The following FAM186A variants were observed in gnomAD, a reference collection of about 807,000 sequenced individuals.
FAM186A encodes protein FAM186A.
In FAM186A, 163 loss-of-function variants were observed where a neutral mutation model predicts 216.8. The observed-to-expected ratio is 0.75, with a 90% CI of 0.66 to 0.86. The LOEUF (loss-of-function observed/expected upper bound fraction) is 0.86. Ranked by LOEUF, FAM186A falls within the 40% of genes least tolerant of loss-of-function variation. The pLI is 0.00. For missense variants in FAM186A, 2,184 were observed against 2,746.2 expected (o/e 0.80, Z 4.58); for synonymous variants, 805 against 1,025.3 (o/e 0.79, Z 4.10).
In FAM186A at chr12:50,356,053, T is replaced by C. The variant is rs1326676652; in HGVS notation, c.779A>G (p.Tyr260Cys). ...FSTLENNAIKYISSTIVNLST... is the reference protein window; with the variant it reads ...FSTLENNAIKCISSTIVNLST... ...AAGGTTTACTATTGTTGATGATATATATTTAATAGCATTGTTTTCCAATGT... is the reference window on the plus strand; with the variant it reads ...AAGGTTTACTATTGTTGATGATATACATTTAATAGCATTGTTTTCCAATGT... Residue 260 changes from tyrosine to cysteine, a missense_variant, in exon 4 of 8, where the codon TAT becomes TGT. Around this residue, in one of 7 missense-constraint regions of FAM186A, gnomAD observed 1,132 missense variants for 1,263.4 expected, o/e 0.90. Coordinates refer to ENST00000327337, the MANE Select transcript of FAM186A (RefSeq NM_001145475.3). 6.4e-7 allele frequency: 1 copy of C among 1,551,648 alleles called. No individual in the cohort carries two copies. The highest frequency in any genetic ancestry group is 8.7e-7 in the Non-Finnish European group (1 of 1,146,942).
In FAM186A at chr12:50,363,116, TTTCCTCTGAACCGCTTCTGTAA is replaced by T. The variant is rs757573297; in HGVS notation, c.412+7_412+28del. The stretch of plus-strand genomic sequence containing the variant: ...TTCTCTTTTTCATTAACTTTATGGT[TTTCCTCTGAACCGCTTCTGTAA>T]ACTTACTCCATTCTTCCAACCAGGC... On this transcript the variant is annotated splice_region_variant and intron_variant, in intron 2 of 7. Coordinates refer to ENST00000327337, the MANE Select transcript of FAM186A (RefSeq NM_001145475.3). 6.7e-7 allele frequency: 1 copy of T among 1,492,482 alleles called. No homozygotes were observed. The highest frequency in any genetic ancestry group is 1.3e-5 in the South Asian group (1 of 77,136). The allele number at this position is 1,492,482 out of a possible 1,614,324, so 92.5% of individuals were successfully genotyped here.
chr12:50,374,592 A>T (rs1943180097), intron 1 of FAM186A, among the ~76,000 whole-genome samples: 3 of 152,212 alleles, frequency 2.0e-5, no homozygotes, highest in African/African-American at 7.2e-5. Context: ...AAAATTCAAC[A>T]TTCATTCATG....
chr12:50,368,520 C>A (rs1451453101), intron 1 of FAM186A, among the ~76,000 whole-genome samples: 1 of 151,916 alleles, frequency 6.6e-6, no homozygotes, highest in East Asian at 1.9e-4. Context: ...AAAGAAAACA[C>A]AAGTAAATGG....
intron 4 of FAM186A, among the ~76,000 whole-genome samples, chr12:50,348,828 T>A (rs1243516753): frequency 6.6e-6 from 1 of 152,194 alleles, no homozygotes; most frequent in African/African-American, 2.4e-5. Context: ...AGTACTGTGA[T>A]TACAGATGTG....
In FAM186A at chr12:50,350,531, C is replaced by T; in HGVS notation, c.6301G>A (p.Glu2101Lys). 1.3e-6 allele frequency: 2 copies of T among 1,551,602 alleles called. No individual in the cohort carries two copies. Among genetic ancestry groups the T allele is most frequent in the Non-Finnish European group, 1.7e-6 (2 of 1,146,976 alleles). Residue 2101 changes from glutamate to lysine, a missense_variant, in exon 4 of 8, where the codon GAA becomes AAA. By Grantham distance (56) the Glu-to-Lys change is moderately conservative. This residue lies in a region of FAM186A where 721 missense variants were observed against 816.4 expected (regional missense o/e 0.88). Coordinates refer to ENST00000327337, the MANE Select transcript of FAM186A (RefSeq NM_001145475.3). ...ACATCAACAAAATACCTCTTTTCTT[C>T]AAGTTCTTGAGGAGAGGAAGGGGGC... ...MVPPSSPQEL[E>K]EKRYFVDVEA... is the part of the protein sequence containing the mutation.
At chr12:50,347,246 G>C (rs188479805) in intron 4 of FAM186A, among the ~76,000 whole-genome samples, 123 of 152,240 alleles carry the variant, frequency 8.1e-4, no homozygotes, top group African/African-American at 2.7e-3. Context: ...TACTATGCCA[G>C]AGGAAAAGGA....
Position 50,351,396 on chromosome 12 carries a change from C to G in FAM186A, c.5436G>C (p.Gln1812His). ...LVYGGQSTSAQFPAPQAPPSP... is the reference protein window; with the variant it reads ...LVYGGQSTSAHFPAPQAPPSP... ...AGGGAGGGGCCTGTGGTGCCGGGAACTGCGCAGAAGTGGATTGACCTCCGT... is the reference window on the plus strand; with the variant it reads ...AGGGAGGGGCCTGTGGTGCCGGGAAGTGCGCAGAAGTGGATTGACCTCCGT... The change falls in exon 4 of 8, where the codon CAG (glutamine) becomes CAC (histidine). Residue 1812 changes from glutamine to histidine, a missense_variant. Gln to His is a conservative substitution (Grantham distance 24). Coordinates refer to ENST00000327337, the MANE Select transcript of FAM186A (RefSeq NM_001145475.3). The G allele has an allele frequency of 2.0e-6, 3 of 1,469,862 alleles. No individual in the cohort carries two copies. Among genetic ancestry groups the G allele is most frequent in the Non-Finnish European group, 2.7e-6 (3 of 1,111,916 alleles). The allele number at this position is 1,469,862 out of a possible 1,614,324, so 91.1% of individuals were successfully genotyped here.
At chr12:50,359,575 C>T (rs1162402975) in intron 3 of FAM186A, among the ~76,000 whole-genome samples, 2 of 149,338 alleles carry the variant, frequency 1.3e-5, no homozygotes, top group Non-Finnish European at 1.5e-5. Context: ...TAGCTATCTA[C>T]CCCCCCAAAA....
At chr12:50,344,000 C>T (rs1942788937) in intron 4 of FAM186A, among the ~76,000 whole-genome samples, 1 of 150,916 alleles carries the variant, frequency 6.6e-6, no homozygotes, top group Admixed American at 6.6e-5. Context: ...TGATTCACCA[C>T]CTTGGCCTCC....
intron 1 of FAM186A, among the ~76,000 whole-genome samples, chr12:50,363,717 A>G (rs1015211474): frequency 1.3e-5 from 2 of 151,506 alleles, no homozygotes; most frequent in African/African-American, 2.4e-5. Context: ...AGTTGATGTG[A>G]AGTGTATAAA....
intron 3 of FAM186A, among the ~76,000 whole-genome samples, chr12:50,357,307 G>C (rs148627462): frequency 6.6e-6 from 1 of 151,606 alleles, no homozygotes. Context: ...CCAGGAGTTC[G>C]TGACCAGCCT....
In FAM186A at chr12:50,354,257, C is replaced by A; in HGVS notation, c.2575G>T (p.Glu859Ter). ...LLKEHYEKISENWEEKKAWLQ... is the reference protein window; with the variant it reads ...LLKEHYEKIS The stretch of plus-strand genomic sequence containing the variant: ...CATGCCTTTTTTTCTTCCCAATTCT[C>A]ACTTATCTTCTCATAGTGCTCCTTC... Residue 859 changes from glutamate to a stop codon, truncating the protein, a stop_gained, in exon 4 of 8, where the codon GAG becomes TAG. Transcript: ENST00000327337. LOFTEE classifies it high-confidence loss of function. The A allele has an allele frequency of 6.4e-7, 1 of 1,551,548 alleles. No homozygotes were observed. The highest frequency in any genetic ancestry group is 8.7e-7 in the Non-Finnish European group (1 of 1,146,980).
At position 50,335,204 on chromosome 12, in the gene FAM186A, G is replaced by A. The variant is rs144933336; in HGVS notation, c.6504-1101C>T. On this transcript the variant is annotated intron_variant, in intron 4 of 7. Transcript: ENST00000327337. ...CCTAGGGAGTTCGAGGCTGCAGTGA[G>A]TTATGATCACGCCATTACATTCACC... Among the ~76,000 whole-genome samples the A allele has an allele frequency of 5.9e-4, 90 of 152,256 alleles. 4 individuals are homozygous for A. The East Asian group carries it at 0.017, about 28-fold the overall frequency.
intron 1 of FAM186A, among the ~76,000 whole-genome samples, chr12:50,368,457 C>A (rs1234435182): frequency 5.3e-5 from 8 of 151,458 alleles, no homozygotes; most frequent in Admixed American, 2.6e-4. Flanking sequence ...TAAACTTACC[C>A]AAGGAGGTAA....
intron 7 of FAM186A, among the ~76,000 whole-genome samples, chr12:50,328,037 T>G (rs1228740665): frequency 2.6e-5 from 4 of 152,192 alleles, no homozygotes; most frequent in African/African-American, 9.6e-5. Flanking sequence ...TTTTTTAAAT[T>G]TTCAGTGAAC....
At chr12:50,356,392 T>A in intron 3 of FAM186A, 144 bp from the exon 4 acceptor site, 1 of 623,068 alleles carries the variant, frequency 1.6e-6, no homozygotes, top group Non-Finnish European at 2.5e-6. Context: ...ACTTTAGCTC[T>A]AAAATAAACA....
intron 4 of FAM186A, among the ~76,000 whole-genome samples, chr12:50,345,877 T>C (rs1022280838): frequency 6.6e-6 from 1 of 151,602 alleles, no homozygotes; most frequent in South Asian, 2.1e-4. Flanking sequence ...TTTTTTCTAA[T>C]GTAGTGAAAA....
intron 1 of FAM186A, among the ~76,000 whole-genome samples, chr12:50,367,702 C>CGT (rs1943103736): frequency 6.6e-6 from 1 of 151,542 alleles, no homozygotes; most frequent in Non-Finnish European, 1.5e-5. Flanking sequence ...CACACACACA[C>CGT]ACACACACAC....
chr12:50,354,085 T>C lies in FAM186A; in HGVS notation c.2747A>G (p.Glu916Gly). The change falls in exon 4 of 8, where the codon GAG (glutamate) becomes GGG (glycine). Residue 916 changes from glutamate to glycine, a missense_variant. Coordinates refer to ENST00000327337, the MANE Select transcript of FAM186A (RefSeq NM_001145475.3). ...KQKQRGQEEE[E>G]LPKSSLQRLE... The stretch of plus-strand genomic sequence containing the variant: ...CCGCTGCAGGCTTGACTTTGGAAGC[T>C]CTTCTTCCTCCTGTCCTCTTTGCTT... 1 of 1,551,774 alleles carries C rather than the reference T, an allele frequency of 6.4e-7. No individual in the cohort carries two copies. Among genetic ancestry groups the C allele is most frequent in the East Asian group, 2.4e-5 (1 of 40,928 alleles).
Sources: gnomAD v4.1 joint callset for allele counts (sites outside exome capture counted in the v4.1 genomes callset) on GRCh38, gnomAD v4.1.1 for gene constraint, gnomAD v4.1.1 regional missense constraint, MANE v1.5 for transcripts, NCBI Gene and HGNC (gene_info 2026-07-23, HGNC 2026-07-21) for gene names.